The following PHKA2 variants were observed in gnomAD, a reference collection of about 807,000 sequenced individuals.
The protein encoded by PHKA2 is phosphorylase kinase regulatory subunit alpha 2.
A neutral mutation model predicts 102.0 loss-of-function variants in PHKA2; 31 were observed. The ratio of observed to expected loss-of-function variants is 0.30; its 90% CI spans 0.23 to 0.41. The LOEUF is 0.41. PHKA2 is among the 10% of genes least tolerant of loss of function. The pLI, the probability that PHKA2 is intolerant of heterozygous loss-of-function variation, is 1.00. For missense variants in PHKA2, 858 were observed against 1,023.1 expected (o/e 0.84, Z 2.20); for synonymous variants, 455 against 416.2 (o/e 1.09, Z -1.13).
chrX:18,915,004 A>G (rs780667195), intron 19 of PHKA2, among the ~76,000 whole-genome samples: 1 of 111,767 alleles, frequency 8.9e-6, no homozygotes, highest in East Asian at 2.8e-4. Flanking sequence ...AAAAGGGTAT[A>G]TACAAACCAA....
At chrX:18,923,368 A>G (rs1443852188) in intron 17 of PHKA2, among the ~76,000 whole-genome samples, 1 of 111,676 alleles carries the variant, frequency 9.0e-6, no homozygotes, top group Non-Finnish European at 1.9e-5. Flanking sequence ...CCCTTCTGGT[A>G]TATCCTAGGG....
intron 12 of PHKA2, among the ~76,000 whole-genome samples, chrX:18,929,779 G>A (rs1038364451): frequency 6.3e-5 from 7 of 111,764 alleles, no homozygotes; most frequent in African/African-American, 2.0e-4. Context: ...TTCTGGAGGC[G>A]CCACAGAAAC....
In PHKA2 at chrX:18,929,277, G is replaced by A; in HGVS notation, c.1275C>T (p.Pro425=). The stretch of plus-strand genomic sequence containing the variant: ...CTGAAGTGGAAAATCTTCTATTTAA[G>A]GGATCGATTTCACCAGCGGCAAGGA... ...EGFLAAGEID[P]LNRRFSTSVK... The change falls in exon 13 of 33, where the codon CCC becomes CCT. Residue 425 remains proline (P), a synonymous_variant. Transcript: ENST00000379942. 3.4e-6 allele frequency: 4 copies of A among 1,171,102 alleles called. No individual in the cohort carries two copies. Among genetic ancestry groups the A allele is most frequent in the Non-Finnish European group, 4.6e-6 (4 of 869,151 alleles).
At chrX:18,918,878 A>T in intron 18 of PHKA2, 24 bp from the exon 19 acceptor site, 1 of 1,194,502 alleles carries the variant, frequency 8.4e-7, no homozygotes, top group Non-Finnish European at 1.1e-6. Flanking sequence ...AGCAAGAAAA[A>T]GAGCCAATGA....
chrX:18,908,758 A>G (rs766884194), intron 21 of PHKA2, 43 bp downstream of exon 21: 6 of 1,035,465 alleles, frequency 5.8e-6, no homozygotes, highest in Middle Eastern at 2.6e-4. Context: ...CAATCTGTTC[A>G]TGGTATTTTG....
intron 30 of PHKA2, chrX:18,895,501 C>T (rs1386595680): frequency 9.9e-6 from 3 of 304,387 alleles, no homozygotes; most frequent in Admixed American, 5.1e-5. Flanking sequence ...CGGGCGGCTG[C>T]GAGGCCCCTT....
chrX:18,934,799 G>C (rs1180437160), intron 11 of PHKA2, among the ~76,000 whole-genome samples: 1 of 110,567 alleles, frequency 9.0e-6, no homozygotes, highest in Non-Finnish European at 1.9e-5. Context: ...CCACTGTGTA[G>C]ATACTTCCAT....
chrX:18,942,088 G>GT (rs748399836), intron 7 of PHKA2, among the ~76,000 whole-genome samples: 60 of 112,275 alleles, frequency 5.3e-4, no homozygotes, highest in Admixed American at 4.8e-3. Context: ...TCTGGCTTCT[G>GT]TGGAATGTGA....
chrX:18,972,720 T>C (rs1051119080), intron 1 of PHKA2, among the ~76,000 whole-genome samples: 1 of 112,292 alleles, frequency 8.9e-6, no homozygotes, highest in Non-Finnish European at 1.9e-5. Flanking sequence ...ATAGATCTTA[T>C]ATATGGGAAG....
intron 1 of PHKA2, among the ~76,000 whole-genome samples, chrX:18,982,368 A>T (rs1382297106): frequency 8.9e-6 from 1 of 112,689 alleles, no homozygotes; most frequent in African/African-American, 3.2e-5. Context: ...TACTGAAATT[A>T]TGTGAATATT....
intron 29 of PHKA2, chrX:18,897,581 G>A: frequency 2.4e-6 from 1 of 409,406 alleles, no homozygotes. Context: ...CACCCCCAAA[G>A]CTAGAACCCA....
At chrX:18,931,994 C>T (rs1002189983) in intron 11 of PHKA2, among the ~76,000 whole-genome samples, 4 of 112,304 alleles carry the variant, frequency 3.6e-5, no homozygotes, top group Non-Finnish European at 7.5e-5. Context: ...CACGCAAGGC[C>T]ACGAGCACCG....
At chrX:18,962,499 G>C (rs2048884405) in intron 1 of PHKA2, among the ~76,000 whole-genome samples, 1 of 111,319 alleles carries the variant, frequency 9.0e-6, no homozygotes, top group South Asian at 3.8e-4. Context: ...CCCCACCCCT[G>C]GGATCCCAAT....
At chrX:18,905,125 T>C (rs546898127) in intron 26 of PHKA2, among the ~76,000 whole-genome samples, 2 of 111,838 alleles carry the variant, frequency 1.8e-5, no homozygotes, top group Admixed American at 1.9e-4. Flanking sequence ...GATGCTCAGG[T>C]GGTGTGAAAG....
At chrX:18,971,709 A>C (rs1045882367) in intron 1 of PHKA2, among the ~76,000 whole-genome samples, 3 of 112,648 alleles carry the variant, frequency 2.7e-5, no homozygotes, top group African/African-American at 9.7e-5. Flanking sequence ...ATAACAAATA[A>C]TTCCAGAACT....
chrX:18,905,546 T>C (rs1474687577), intron 26 of PHKA2, among the ~76,000 whole-genome samples: 1 of 110,990 alleles, frequency 9.0e-6, no homozygotes, highest in African/African-American at 3.3e-5. Context: ...CCACATGCTG[T>C]GCCAACCTGG....
chrX:18,957,610 T>C (rs962404803), intron 1 of PHKA2, among the ~76,000 whole-genome samples: 3 of 110,066 alleles, frequency 2.7e-5, no homozygotes, highest in African/African-American at 1.0e-4. Context: ...GATAGATGTA[T>C]CTTTTTCAGT....
chrX:18,955,451 C>T (rs868659750), intron 1 of PHKA2, among the ~76,000 whole-genome samples: 1 of 103,709 alleles, frequency 9.6e-6, no homozygotes, highest in Middle Eastern at 4.9e-3. Flanking sequence ...TGTGAATATA[C>T]TAAAAACCAT....
At chrX:18,954,980 C>T (rs1396124759) in intron 1 of PHKA2, among the ~76,000 whole-genome samples, 1 of 112,213 alleles carries the variant, frequency 8.9e-6, no homozygotes, top group Non-Finnish European at 1.9e-5. Flanking sequence ...GCTATGATAT[C>T]ACGGGTATTT....
Sources: allele counts gnomAD v4.1 joint callset (sites outside exome capture counted in the v4.1 genomes callset), GRCh38; gene constraint gnomAD v4.1.1; transcripts MANE v1.5; gene names NCBI Gene and HGNC (gene_info 2026-07-23, HGNC 2026-07-21).